The following OR3A2 variants were observed in gnomAD, a reference collection of about 807,000 sequenced individuals.
OR3A2 encodes the protein olfactory receptor family 3 subfamily A member 2.
For missense variants in OR3A2, 318 were observed against 392.8 expected (o/e 0.81, Z 1.61); for synonymous variants, 126 against 159.3 (o/e 0.79, Z 1.57).
chr17:3,371,382 C>T (rs1319586363), intron 2 of OR3A2, among the ~76,000 whole-genome samples: 1 of 149,374 alleles, frequency 6.7e-6, no homozygotes, highest in Non-Finnish European at 1.5e-5. Context: ...GCTGACCCCC[C>T]CACCTCCCTC....
At chr17:3,283,028 T>TTCTC (rs144145836) in intron 1 of OR3A2, among the ~76,000 whole-genome samples, 2 of 150,982 alleles carry the variant, frequency 1.3e-5, no homozygotes, top group Non-Finnish European at 3.0e-5. Context: ...TTCTGTCTCT[T>TTCTC]TCTCTCTCTC....
At chr17:3,351,905 C>G (rs533210844) in intron 2 of OR3A2, among the ~76,000 whole-genome samples, 1 of 152,228 alleles carries the variant, frequency 6.6e-6, no homozygotes, top group South Asian at 2.1e-4. Context: ...TGATCTTTGA[C>G]AAACCTGAGA....
At chr17:3,367,601 G>GTGTA (rs1555530074) in intron 2 of OR3A2, among the ~76,000 whole-genome samples, 4 of 122,522 alleles carry the variant, frequency 3.3e-5, no homozygotes, top group African/African-American at 3.6e-5. Flanking sequence ...GTGTGTGTGT[G>GTGTA]TATATATATA....
At chr17:3,290,742 C>T (rs1476638118) in intron 3 of OR3A2, among the ~76,000 whole-genome samples, 1 of 151,882 alleles carries the variant, frequency 6.6e-6, no homozygotes, top group Non-Finnish European at 1.5e-5. Context: ...TGAGAAGGGA[C>T]ATTCAGGGTG....
intron 3 of OR3A2, among the ~76,000 whole-genome samples, chr17:3,295,781 A>C (rs2048913845): frequency 6.6e-6 from 1 of 152,106 alleles, no homozygotes; most frequent in Non-Finnish European, 1.5e-5. Flanking sequence ...TCATAATCTT[A>C]ATATAAAATG....
chr17:3,311,070 T>G lies in OR3A2; in HGVS notation c.-85+24963A>C. ...TTCCCACCTCACTGTGGTGGGCATC[T>G]TCTATGGGACGGGCGTCTTCAGCTA... On this transcript the variant is annotated intron_variant, in intron 3 of 4. Transcript: ENST00000573491. The surrounding 1 kb of genome is among the most constrained non-coding windows in gnomAD (Gnocchi z 4.6). The G allele has an allele frequency of 1.8e-6, 1 of 545,636 alleles. No homozygotes were observed. Among genetic ancestry groups the G allele is most frequent in the East Asian group, 5.2e-5 (1 of 19,090 alleles). 33.8% of individuals were successfully genotyped at this position (545,636 alleles called of 1,614,324 possible).
At chr17:3,281,923 T>C (rs777334800) in intron 1 of OR3A2, among the ~76,000 whole-genome samples, 2 of 152,180 alleles carry the variant, frequency 1.3e-5, no homozygotes, top group East Asian at 3.9e-4. Context: ...TACCTGGGTA[T>C]GGGTGTTTCC....
intron 2 of OR3A2, among the ~76,000 whole-genome samples, chr17:3,345,101 G>C (rs2049351209): frequency 6.6e-6 from 1 of 152,218 alleles, no homozygotes; most frequent in Non-Finnish European, 1.5e-5. Context: ...AGGTGGAGAG[G>C]TGGATCTGAT....
At chr17:3,303,032 T>C (rs945164466) in intron 3 of OR3A2, among the ~76,000 whole-genome samples, 1 of 152,162 alleles carries the variant, frequency 6.6e-6, no homozygotes, top group Admixed American at 6.5e-5. Flanking sequence ...GTAAATAATA[T>C]ATGGAAATTT....
At chr17:3,371,563 G>T (rs1184623712) in intron 2 of OR3A2, among the ~76,000 whole-genome samples, 1 of 137,594 alleles carries the variant, frequency 7.3e-6, no homozygotes, top group Non-Finnish European at 1.6e-5. Flanking sequence ...CTGGCCGGGC[G>T]GGGGGCTGAT....
chr17:3,309,708 CGTTTAGTTTCACT>C (rs1161617576), intron 3 of OR3A2, among the ~76,000 whole-genome samples: 1 of 152,132 alleles, frequency 6.6e-6, no homozygotes, highest in Non-Finnish European at 1.5e-5. Flanking sequence ...GATGTTTCCT[CGTTTAGTTTCACT>C]GTTTTTCATC....
rs905387161 is a variant in OR3A2, at chr17:3,321,213, T to A, written c.-85+14820A>T. 9.3e-4 allele frequency among the ~76,000 whole-genome samples: 141 copies of A among 151,530 alleles called. 5 individuals carry two copies. The East Asian group carries it at 0.025, about 27-fold the overall frequency. On this transcript the variant is annotated intron_variant, in intron 3 of 4. Coordinates refer to the OR3A2 transcript ENST00000573491. The stretch of plus-strand genomic sequence containing the variant: ...GTTGGTGTGTAAGAATGGGTGTGAT[T>A]TTTGTACATTGATTTTGTATCCTGA...
chr17:3,385,688 G>A (rs1192844525), intron 1 of OR3A2, among the ~76,000 whole-genome samples: 1 of 152,140 alleles, frequency 6.6e-6, no homozygotes, highest in Non-Finnish European at 1.5e-5. Context: ...CTACACCAAA[G>A]TCTGAGAGTT....
intron 2 of OR3A2, among the ~76,000 whole-genome samples, chr17:3,341,946 G>T (rs2049322460): frequency 6.6e-6 from 1 of 152,124 alleles, no homozygotes. Context: ...CATATTTCTT[G>T]AAGGCTTTGT....
chr17:3,311,572 C>A lies in OR3A2; in HGVS notation c.-85+24461G>T. On this transcript the variant is annotated intron_variant, in intron 3 of 4. Coordinates refer to the OR3A2 transcript ENST00000573491. The surrounding 1 kb of genome is among the most constrained non-coding windows in gnomAD (Gnocchi z 4.6). The stretch of plus-strand genomic sequence containing the variant: ...TTTCCAGCTCTCTTGCTCCAGCATC[C>A]ACCTCAATGGGCAGCTGCTGCTTGT... 2.4e-6 allele frequency: 1 copy of A among 421,978 alleles called. No homozygotes were observed. The highest frequency in any genetic ancestry group is 1.9e-5 in the South Asian group (1 of 52,076). The allele number at this position is 421,978 out of a possible 1,614,324, so 26.1% of individuals were successfully genotyped here. A position where few individuals can be genotyped will look rare whatever the true frequency, so the allele number is the denominator to read the frequency against.
At chr17:3,366,325 G>A (rs759492225) in intron 2 of OR3A2, among the ~76,000 whole-genome samples, 2 of 152,084 alleles carry the variant, frequency 1.3e-5, no homozygotes, top group Non-Finnish European at 2.9e-5. Context: ...AGAATCTCAG[G>A]GACCCTGCCA....
intron 3 of OR3A2, among the ~76,000 whole-genome samples, chr17:3,316,377 C>G (rs1414273725): frequency 6.6e-6 from 1 of 152,168 alleles, no homozygotes; most frequent in Non-Finnish European, 1.5e-5. Flanking sequence ...TGTCATTTTA[C>G]ACACCATGGG....
intron 3 of OR3A2, among the ~76,000 whole-genome samples, chr17:3,319,862 A>G (rs2150634984): frequency 6.6e-6 from 1 of 152,354 alleles, no homozygotes; most frequent in South Asian, 2.1e-4. Flanking sequence ...TTATAGCAGC[A>G]TGATTTATAA....
At chr17:3,312,127 A>G (rs184566420) in intron 3 of OR3A2, among the ~76,000 whole-genome samples, 104 of 152,294 alleles carry the variant, frequency 6.8e-4, no homozygotes, top group Non-Finnish European at 5.0e-4. Flanking sequence ...GTGAGAGAGT[A>G]TCTAAGTTAC....
Sources: allele counts gnomAD v4.1 joint callset (sites outside exome capture counted in the v4.1 genomes callset), GRCh38; gene constraint gnomAD v4.1.1; non-coding constraint Gnocchi (gnomAD v3.1); transcripts MANE v1.5; gene names NCBI Gene and HGNC (gene_info 2026-07-23, HGNC 2026-07-21).